Variants in MEF2A observed in about 807,000 individuals in gnomAD.
MEF2A encodes the protein myocyte-specific enhancer factor 2A.
A neutral mutation model predicts 55.8 loss-of-function variants in MEF2A; 28 were observed. The observed-to-expected ratio is 0.50, with a 90% CI of 0.37 to 0.69. MEF2A has a LOEUF of 0.69. Ranked by LOEUF, MEF2A falls within the 30% of genes least tolerant of loss-of-function variation. MEF2A has a pLI of 0.00. For synonymous variants in MEF2A, 239 were observed against 227.1 expected (o/e 1.05, Z -0.47); for missense variants, 528 against 626.2 (o/e 0.84, Z 1.67).
intron 1 of MEF2A, among the ~76,000 whole-genome samples, chr15:99,567,626 A>AGTGTGTGTGT (rs1567124507): frequency 3.3e-5 from 4 of 122,086 alleles, no homozygotes; most frequent in African/African-American, 1.3e-4. Flanking sequence ...TTTTGTATGT[A>AGTGTGTGTGT]CTGTGTGTGT....
intron 1 of MEF2A, among the ~76,000 whole-genome samples, chr15:99,588,765 GT>G (rs970905417): frequency 1.0e-4 from 15 of 142,922 alleles, no homozygotes; most frequent in African/African-American, 1.5e-4. Flanking sequence ...TTTTGTTTTT[GT>G]TTTTTTTTTT....
intron 5 of MEF2A, among the ~76,000 whole-genome samples, chr15:99,673,528 T>C (rs1597050822): frequency 1.3e-5 from 2 of 152,290 alleles, no homozygotes; most frequent in East Asian, 3.9e-4. Context: ...TCTTTTAAAA[T>C]GAGGGCAGAG....
Position 99,571,184 on chromosome 15 carries a change from C to CAA in MEF2A, c.-225+5092_-225+5093dup, listed in dbSNP as rs113527746. On this transcript the variant is annotated intron_variant, in intron 1 of 11. Coordinates refer to ENST00000557942, the MANE Select transcript of MEF2A (RefSeq NM_001319206.4). ...GGGTGATAGAATGAGACTCCATCTC[C>CAA]AAAAAAAAAAAAACAACAACAACAA... Among the ~76,000 whole-genome samples the CAA allele has an allele frequency of 7.0e-3, 940 of 134,266 alleles. 10 individuals carry two copies. Among genetic ancestry groups the CAA allele is most frequent in the African/African-American group, 0.024 (888 of 37,762 alleles). The allele number at this position is 134,266 out of a possible 152,430, so 88.1% of individuals were successfully genotyped here. A position where few individuals can be genotyped will look rare whatever the true frequency, so the allele number is the denominator to read the frequency against.
chr15:99,567,805 A>C (rs1960382749), intron 1 of MEF2A, among the ~76,000 whole-genome samples: 1 of 152,212 alleles, frequency 6.6e-6, no homozygotes, highest in Non-Finnish European at 1.5e-5. Context: ...TATATCATAA[A>C]ACATTAAGAT....
At position 99,692,666 on chromosome 15, in the gene MEF2A, A is replaced by G. The variant is rs201380768; in HGVS notation, c.858+2238A>G. On this transcript the variant is annotated intron_variant, in intron 8 of 11. Transcript: ENST00000557942. ...TCTTGTATACTTTTTTACTCCGTGA[A>G]TCCCATGGGGTGCTCAGAAGCTCCT... 2.6e-5 allele frequency among the ~76,000 whole-genome samples: 4 copies of G among 152,132 alleles called. No individual in the cohort carries two copies. The East Asian group carries it at 5.8e-4, about 22-fold the overall frequency.
chr15:99,637,837 G>T (rs1440236848), intron 3 of MEF2A, among the ~76,000 whole-genome samples: 2 of 152,090 alleles, frequency 1.3e-5, no homozygotes, highest in Non-Finnish European at 1.5e-5. Flanking sequence ...TAGAGACGGG[G>T]TTTCATGGTG....
chr15:99,572,834 G>A lies in MEF2A; in HGVS notation c.-225+6730G>A, dbSNP rs1358010129. On this transcript the variant is annotated intron_variant, in intron 1 of 11. Coordinates refer to ENST00000557942, the MANE Select transcript of MEF2A (RefSeq NM_001319206.4). Reference sequence around the variant, plus strand: ...GAGTAAATCCCATGTTAGGTATTTAGAATATTATTTGATTATTTGAATATA... The same window carrying A: ...GAGTAAATCCCATGTTAGGTATTTAAAATATTATTTGATTATTTGAATATA... 2.6e-5 allele frequency among the ~76,000 whole-genome samples: 4 copies of A among 152,252 alleles called. No homozygotes were observed. The South Asian group carries it at 8.3e-4, about 32-fold the overall frequency.
chr15:99,613,001 A>C (rs2039554464), intron 2 of MEF2A, among the ~76,000 whole-genome samples: 1 of 152,112 alleles, frequency 6.6e-6, no homozygotes, highest in Non-Finnish European at 1.5e-5. Context: ...GAAGGCCATA[A>C]ATGTGTGTAT....
At chr15:99,668,626 A>G (rs1384395958) in intron 4 of MEF2A, among the ~76,000 whole-genome samples, 2 of 151,922 alleles carry the variant, frequency 1.3e-5, no homozygotes, top group Admixed American at 6.6e-5. Context: ...TTTATGAGGA[A>G]TAAGCAGATC....
At chr15:99,685,983 C>T (rs1356225313) in intron 7 of MEF2A, among the ~76,000 whole-genome samples, 1 of 152,028 alleles carries the variant, frequency 6.6e-6, no homozygotes, top group Non-Finnish European at 1.5e-5. Context: ...CTGTTTCAGT[C>T]TCGCTGCTTG....
intron 4 of MEF2A, among the ~76,000 whole-genome samples, chr15:99,647,282 C>G (rs2046116078): frequency 1.3e-5 from 2 of 151,874 alleles, no homozygotes; most frequent in African/African-American, 4.8e-5. Flanking sequence ...GGAGAGTAAC[C>G]CTGTTGTGTT....
chr15:99,597,472 AACT>A, intron 1 of MEF2A, among the ~76,000 whole-genome samples: 1 of 152,016 alleles, frequency 6.6e-6, no homozygotes. Context: ...TGGTGCCCGA[AACT>A]TCATTAGCAA....
chr15:99,571,099 G>C (rs1962055690), intron 1 of MEF2A, among the ~76,000 whole-genome samples: 1 of 151,530 alleles, frequency 6.6e-6, no homozygotes, highest in African/African-American at 2.4e-5. Context: ...CACGAGAATC[G>C]CTTGAACCCA....
intron 7 of MEF2A, among the ~76,000 whole-genome samples, chr15:99,678,038 A>C (rs547223841): frequency 6.6e-6 from 1 of 152,258 alleles, no homozygotes; most frequent in Non-Finnish European, 1.5e-5. Context: ...ATTGATACTG[A>C]AATAGAAAAA....
chr15:99,568,541 G>T, intron 1 of MEF2A, among the ~76,000 whole-genome samples: 1 of 152,128 alleles, frequency 6.6e-6, no homozygotes, highest in East Asian at 1.9e-4. Context: ...TTCTGAGGGT[G>T]GTTAAGAAAT....
rs1380262710 is a variant in MEF2A, at chr15:99,690,677, TTG to T, written c.858+253_858+254del. 5.2e-6 allele frequency: 3 copies of T among 580,506 alleles called. No individual in the cohort carries two copies. The East Asian group carries it at 1.2e-4, about 22-fold the overall frequency. The allele number at this position is 580,506 out of a possible 1,614,324, so 36.0% of individuals were successfully genotyped here. On this transcript the variant is annotated intron_variant, in intron 8 of 11. Transcript: ENST00000557942. ...CGAACGTGGTTGGAACTGGAGGTTA[TTG>T]TGTTAAGTGAAATAAGCCAGGCATA...
chr15:99,713,512 AAT>A lies in MEF2A; in HGVS notation c.*744_*745del, dbSNP rs1189330687. The A allele has an allele frequency of 6.6e-6, 1 of 152,336 alleles. No individual in the cohort carries two copies. Among genetic ancestry groups the A allele is most frequent in the Non-Finnish European group, 1.5e-5 (1 of 68,124 alleles). 9.4% of individuals were successfully genotyped at this position (152,336 alleles called of 1,614,324 possible). On this transcript the variant is annotated 3_prime_UTR_variant, in exon 12 of 12. Transcript: ENST00000557942. ...AATTAATATATTAAGTTATAATTGG[AAT>A]ATGTCAGAAGTTTCTTTTTACATTC...
At chr15:99,684,398 T>C (rs960743634) in intron 7 of MEF2A, among the ~76,000 whole-genome samples, 2 of 152,280 alleles carry the variant, frequency 1.3e-5, no homozygotes, top group African/African-American at 4.8e-5. Context: ...TTTTTAAATA[T>C]AGCTATTCTT....
chr15:99,588,030 C>T (rs1198073252), intron 1 of MEF2A, among the ~76,000 whole-genome samples: 1 of 152,152 alleles, frequency 6.6e-6, no homozygotes, highest in Non-Finnish European at 1.5e-5. Flanking sequence ...TAGTCTTTTA[C>T]CATTAAGTAT....
Sources: allele counts gnomAD v4.1 joint callset (sites outside exome capture counted in the v4.1 genomes callset), GRCh38; gene constraint gnomAD v4.1.1; transcripts MANE v1.5; gene names NCBI Gene and HGNC (gene_info 2026-07-23, HGNC 2026-07-21).